PDZD2: variants seen among roughly 807,000 people sequenced by gnomAD.
PDZD2 encodes the protein PDZ domain containing 2.
A neutral mutation model predicts 220.7 loss-of-function variants in PDZD2; 90 were observed. The ratio of observed to expected loss-of-function variants is 0.41; its 90% CI spans 0.34 to 0.49. The LOEUF (loss-of-function observed/expected upper bound fraction) is 0.49, where lower values mean the gene tolerates loss of function less well. Among genes scored for constraint, PDZD2 ranks in the 20% least tolerant of loss-of-function variants. The pLI, the probability that PDZD2 is intolerant of heterozygous loss-of-function variation, is 0.28. For synonymous variants in PDZD2, 1,375 were observed against 1,450.5 expected, an observed-to-expected ratio of 0.95 and a Z score of 1.18; for missense variants, 3,174 against 3,608.5, an observed-to-expected ratio of 0.88 and a Z score of 3.08.
Position 31,677,613 on chromosome 5 carries a change from C to T in PDZD2, c.-361+38176C>T, listed in dbSNP as rs1746483419. Among the ~76,000 whole-genome samples the T allele has an allele frequency of 1.9e-3, 2 of 1,072 alleles. 1 individual carries two copies. Among genetic ancestry groups the T allele is most frequent in the Admixed American group, 0.045 (2 of 44 alleles). The allele number at this position is 1,072 out of a possible 152,430, so 0.7% of individuals were successfully genotyped here. The stretch of plus-strand genomic sequence containing the variant: ...CCTGGGCGACAGAGCGAGACTCCGT[C>T]TTAAAAAAAAAAAAAAAAAAAAAAA... On this transcript the variant is annotated intron_variant, in intron 1 of 24. Coordinates refer to ENST00000438447, the MANE Select transcript of PDZD2 (RefSeq NM_178140.4).
rs72759665 is a variant in PDZD2 at position 32,002,227 on chromosome 5, T to C, written c.1254+1956T>C. On this transcript the variant is annotated intron_variant, in intron 5 of 24. Coordinates refer to ENST00000438447, the MANE Select transcript of PDZD2 (RefSeq NM_178140.4). ...TTCCAAAGAGAATCTATCTACAGAGTTCTGGTGAAGACTTGGCAGGAAGAG... is the reference window on the plus strand; with the variant it reads ...TTCCAAAGAGAATCTATCTACAGAGCTCTGGTGAAGACTTGGCAGGAAGAG... 8.2e-3 allele frequency among the ~76,000 whole-genome samples: 1,243 copies of C among 152,228 alleles called. 13 individuals carry two copies. Among genetic ancestry groups the C allele is most frequent in the Non-Finnish European group, 0.012 (786 of 68,006 alleles).
chr5:32,085,481 C>T (rs1372011057), intron 19 of PDZD2, among the ~76,000 whole-genome samples: 1 of 148,516 alleles, frequency 6.7e-6, no homozygotes, highest in Admixed American at 6.6e-5. Context: ...GAGTCTTGCT[C>T]TGTTACTCAG....
chr5:31,962,146 T>C (rs7728614), intron 2 of PDZD2, among the ~76,000 whole-genome samples: 4,152 of 152,306 alleles, frequency 0.027, 207 homozygotes, highest in African/African-American at 0.093. Flanking sequence ...CCTTATAAAC[T>C]TTGTGCCTGA....
intron 6 of PDZD2, 121 bp from the exon 7 acceptor site, chr5:32,037,110 T>C: frequency 1.5e-6 from 1 of 648,866 alleles, no homozygotes; most frequent in Non-Finnish European, 2.7e-6. Context: ...CCGTGGTCCT[T>C]CTTCTCACAT....
intron 2 of PDZD2, among the ~76,000 whole-genome samples, chr5:31,829,387 G>C (rs1756415120): frequency 6.6e-6 from 1 of 151,534 alleles, no homozygotes; most frequent in Non-Finnish European, 1.5e-5. Flanking sequence ...GAGTGCAGTG[G>C]CATGATCTCA....
At chr5:31,960,306 C>A (rs911651605) in intron 2 of PDZD2, among the ~76,000 whole-genome samples, 1 of 151,968 alleles carries the variant, frequency 6.6e-6, no homozygotes, top group East Asian at 1.9e-4. Flanking sequence ...AACCTCCACC[C>A]CCCAGGTTCA....
At chr5:31,804,787 T>G (rs923585805) in intron 2 of PDZD2, among the ~76,000 whole-genome samples, 3 of 152,210 alleles carry the variant, frequency 2.0e-5, no homozygotes, top group African/African-American at 7.2e-5. Flanking sequence ...AAATACCTCC[T>G]CAGTATAATC....
At position 32,053,938 on chromosome 5, in the gene PDZD2, C is replaced by T. The variant is rs1484853303; in HGVS notation, c.1900+55C>T. 36 of 1,013,572 alleles carry T rather than the reference C, an allele frequency of 3.6e-5. No homozygotes were observed. The East Asian group carries it at 8.6e-4, about 24-fold the overall frequency. 62.8% of individuals were successfully genotyped at this position (1,013,572 alleles called of 1,614,324 possible). A position where few individuals can be genotyped will look rare whatever the true frequency, so the allele number is the denominator to read the frequency against. On this transcript the variant is annotated intron_variant, in intron 10 of 24. Transcript: ENST00000438447. ...ACAGTGACTTTGATCCCATGAGAAT[C>T]TGCCTCTTCACAAGATGTGAGTGAA...
At position 31,770,600 on chromosome 5, in the gene PDZD2, G is replaced by A. The variant is rs2068665; in HGVS notation, c.-360-28289G>A. ...GGGACCCAGAGTATGTTCTAATTCC[G>A]TTGGTCTTTAGGGTTGTGAGATTTC... On this transcript the variant is annotated intron_variant, in intron 1 of 24. Transcript: ENST00000438447. Among the ~76,000 whole-genome samples, 895 of 152,244 alleles carry A rather than the reference G, an allele frequency of 5.9e-3. 11 individuals carry two copies. Among genetic ancestry groups the A allele is most frequent in the African/African-American group, 0.02 (840 of 41,522 alleles).
At chr5:32,068,089 C>G (rs1161170463) in intron 14 of PDZD2, among the ~76,000 whole-genome samples, 1 of 152,046 alleles carries the variant, frequency 6.6e-6, no homozygotes, top group Non-Finnish European at 1.5e-5. Flanking sequence ...ACACATTGAC[C>G]CTTAGTGCCT....
intron 21 of PDZD2, among the ~76,000 whole-genome samples, chr5:32,093,888 G>C (rs1222459591): frequency 6.6e-6 from 1 of 152,058 alleles, no homozygotes; most frequent in Non-Finnish European, 1.5e-5. Flanking sequence ...TAAGGCGAGA[G>C]GATTGCTTGA....
At chr5:31,690,005 G>A (rs542616421) in intron 1 of PDZD2, among the ~76,000 whole-genome samples, 2 of 152,158 alleles carry the variant, frequency 1.3e-5, no homozygotes, top group South Asian at 2.1e-4. Context: ...CATTTGAAAC[G>A]GCGTGTCCTG....
intron 2 of PDZD2, among the ~76,000 whole-genome samples, chr5:31,870,033 A>G (rs192586093): frequency 6.6e-6 from 1 of 152,190 alleles, no homozygotes; most frequent in Admixed American, 6.5e-5. Flanking sequence ...AAAGCCACTG[A>G]CCCTGCCAGC....
At chr5:32,042,997 C>T (rs563391621) in intron 7 of PDZD2, among the ~76,000 whole-genome samples, 6 of 152,214 alleles carry the variant, frequency 3.9e-5, no homozygotes, top group Non-Finnish European at 7.3e-5. Context: ...AAAGGTCACT[C>T]AGTCAATGCC....
chr5:32,011,215 G>T (rs1341292767), intron 6 of PDZD2, among the ~76,000 whole-genome samples: 2 of 151,916 alleles, frequency 1.3e-5, no homozygotes, highest in Admixed American at 6.6e-5. Context: ...AAGGCTAGGT[G>T]CTGTGGCTCA....
At chr5:31,834,416 C>T (rs1756820592) in intron 2 of PDZD2, among the ~76,000 whole-genome samples, 1 of 152,162 alleles carries the variant, frequency 6.6e-6, no homozygotes. Context: ...TAGACATCAG[C>T]TTAAAGATGA....
At chr5:31,669,452 G>A (rs1746130224) in intron 1 of PDZD2, among the ~76,000 whole-genome samples, 1 of 151,594 alleles carries the variant, frequency 6.6e-6, no homozygotes, top group Non-Finnish European at 1.5e-5. Context: ...TAATGTCAAT[G>A]GTAGGGAGAA....
intron 1 of PDZD2, among the ~76,000 whole-genome samples, chr5:31,733,958 C>T (rs749913002): frequency 1.3e-5 from 2 of 152,174 alleles, no homozygotes; most frequent in Non-Finnish European, 2.9e-5. Context: ...ACAGGTTAAG[C>T]GCACAGTCTC....
intron 2 of PDZD2, among the ~76,000 whole-genome samples, chr5:31,928,710 A>G (rs1745005680): frequency 6.6e-6 from 1 of 152,156 alleles, no homozygotes; most frequent in Non-Finnish European, 1.5e-5. Context: ...TCCTGACCCC[A>G]GATGATCCAC....
Sources: gnomAD v4.1 joint callset for allele counts (sites outside exome capture counted in the v4.1 genomes callset) on GRCh38, gnomAD v4.1.1 for gene constraint, MANE v1.5 for transcripts, NCBI Gene and HGNC (gene_info 2026-07-23, HGNC 2026-07-21) for gene names.